KCND3: variants seen among roughly 807,000 people sequenced by gnomAD.
KCND3 encodes the protein potassium voltage-gated channel subfamily D member 3.
KCND3 carries 9 observed loss-of-function variants against 51.1 expected under a neutral mutation model. The ratio of observed to expected loss-of-function variants is 0.18; its 90% CI spans 0.11 to 0.31. The LOEUF is 0.31. Among genes scored for constraint, KCND3 ranks in the 10% least tolerant of loss-of-function variants. The pLI is 1.00. For synonymous variants in KCND3, 349 were observed against 368.0 expected, an observed-to-expected ratio of 0.95 and a Z score of 0.59; for missense variants, 526 against 903.8, an observed-to-expected ratio of 0.58 and a Z score of 5.36.
In KCND3 at chr1:111,776,080, C is replaced by G. The variant is rs1664089421; in HGVS notation, c.1965G>C (p.Leu655Phe). 1 of 1,614,084 alleles carries G rather than the reference C, an allele frequency of 6.2e-7. No homozygotes were observed. Among genetic ancestry groups the G allele is most frequent in the Admixed American group, 1.7e-5 (1 of 60,010 alleles). The change falls in exon 8 of 8, where the codon TTG (leucine) becomes TTC (phenylalanine). Residue 655 changes from leucine (L) to phenylalanine (F), a missense_variant. Coordinates refer to ENST00000302127, the MANE Select transcript of KCND3 (RefSeq NM_001378969.1). ...IASNVVKVSA[L>F] ...TCTGGCCCTCTGTCCAGTGGTTTTA[C>G]AAGGCGGAGACCTTGACAACATTGC...
chr1:111,942,181 G>T (rs1672556663), intron 2 of KCND3, among the ~76,000 whole-genome samples: 1 of 152,190 alleles, frequency 6.6e-6, no homozygotes, highest in East Asian at 1.9e-4. Flanking sequence ...AATTGTATGT[G>T]CATTATTCCT....
rs1036126852 is a variant in KCND3, at chr1:111,774,760, A to C, written c.*1317T>G. 2 of 152,062 alleles carry C rather than the reference A, an allele frequency of 1.3e-5. No homozygotes were observed. The highest frequency in any genetic ancestry group is 4.8e-5 in the African/African-American group (2 of 41,348). 9.4% of individuals were successfully genotyped at this position (152,062 alleles called of 1,614,324 possible). A position where few individuals can be genotyped will look rare whatever the true frequency, so the allele number is the denominator to read the frequency against. On this transcript the variant is annotated 3_prime_UTR_variant, in exon 8 of 8. Coordinates refer to ENST00000302127, the MANE Select transcript of KCND3 (RefSeq NM_001378969.1). ...CTGTGTGGGAGTTGCCTCTGGTTTG[A>C]TATAAGTCAGAGGAATCTTGGTCCC...
intron 2 of KCND3, among the ~76,000 whole-genome samples, chr1:111,967,987 G>A (rs1418719311): frequency 6.6e-6 from 1 of 152,138 alleles, no homozygotes; most frequent in East Asian, 1.9e-4. Context: ...GCCAGCTCAG[G>A]CATAAAGCAC....
chr1:111,915,566 C>T (rs1011514056), intron 2 of KCND3, among the ~76,000 whole-genome samples: 3 of 151,972 alleles, frequency 2.0e-5, no homozygotes, highest in Non-Finnish European at 4.4e-5. Context: ...TCCTGGCTAA[C>T]ATGGTGAAAC....
chr1:111,781,151 T>C (rs1276633705), intron 3 of KCND3, among the ~76,000 whole-genome samples: 2 of 152,216 alleles, frequency 1.3e-5, no homozygotes, highest in African/African-American at 4.8e-5. Context: ...AATTGCAAAC[T>C]CCTTAGAGGA....
chr1:111,832,027 A>G (rs1666854735), intron 2 of KCND3, among the ~76,000 whole-genome samples: 2 of 152,190 alleles, frequency 1.3e-5, no homozygotes, highest in African/African-American at 4.8e-5. Context: ...GGGGGAATAT[A>G]CTGCTTTAAT....
intron 2 of KCND3, among the ~76,000 whole-genome samples, chr1:111,900,633 G>A (rs771253266): frequency 4.6e-5 from 7 of 151,726 alleles, no homozygotes; most frequent in South Asian, 4.2e-4. Flanking sequence ...TATGCCCAGT[G>A]CCTGGTAAAC....
At chr1:111,945,617 C>T (rs1024246090) in intron 2 of KCND3, among the ~76,000 whole-genome samples, 2 of 152,170 alleles carry the variant, frequency 1.3e-5, no homozygotes, top group African/African-American at 4.8e-5. Flanking sequence ...AGGCTTTGGC[C>T]GGGTCTCAGC....
At chr1:111,843,117 G>T (rs1667400640) in intron 2 of KCND3, among the ~76,000 whole-genome samples, 1 of 152,108 alleles carries the variant, frequency 6.6e-6, no homozygotes, top group South Asian at 2.1e-4. Flanking sequence ...TTTTTTCCTA[G>T]ACCTGAGCTC....
At chr1:111,855,383 G>A (rs574550167) in intron 2 of KCND3, among the ~76,000 whole-genome samples, 33 of 152,298 alleles carry the variant, frequency 2.2e-4, no homozygotes, top group African/African-American at 7.5e-4. Context: ...TCAGGGAGGC[G>A]TGTTCCAGCA....
chr1:111,919,378 T>A (rs1671371710), intron 2 of KCND3, among the ~76,000 whole-genome samples: 1 of 151,952 alleles, frequency 6.6e-6, no homozygotes. Flanking sequence ...GGAAGGCCTC[T>A]CCAAGGGTGT....
chr1:111,894,995 C>T (rs1363941888), intron 2 of KCND3, among the ~76,000 whole-genome samples: 1 of 145,666 alleles, frequency 6.9e-6, no homozygotes. Flanking sequence ...AGGGAGAGGA[C>T]TCAGGGGGAG....
intron 2 of KCND3, among the ~76,000 whole-genome samples, chr1:111,819,541 A>G (rs1666254884): frequency 6.6e-6 from 1 of 152,220 alleles, no homozygotes; most frequent in Admixed American, 6.5e-5. Context: ...GACTGCTCAC[A>G]GCTCACCAGC....
intron 2 of KCND3, among the ~76,000 whole-genome samples, chr1:111,889,799 T>C (rs1269866659): frequency 6.6e-6 from 1 of 152,044 alleles, no homozygotes; most frequent in Non-Finnish European, 1.5e-5. Context: ...AGAAATCTTA[T>C]GGAGGAAAAC....
intron 2 of KCND3, among the ~76,000 whole-genome samples, chr1:111,947,290 T>C (rs945632185): frequency 2.0e-5 from 3 of 152,222 alleles, no homozygotes; most frequent in African/African-American, 7.2e-5. Flanking sequence ...TGTGAATGAT[T>C]ACCATGTGCC....
intron 2 of KCND3, among the ~76,000 whole-genome samples, chr1:111,908,111 A>C (rs541656767): frequency 1.0e-3 from 153 of 152,220 alleles, no homozygotes; most frequent in African/African-American, 3.5e-3. Context: ...CCCTGAAAAC[A>C]CTCTGAGGGT....
intron 2 of KCND3, among the ~76,000 whole-genome samples, chr1:111,815,423 C>T (rs1666042719): frequency 6.6e-6 from 1 of 151,692 alleles, no homozygotes; most frequent in African/African-American, 2.4e-5. Context: ...GTTGGACTTC[C>T]ATGTCTGTCT....
chr1:111,827,196 C>A (rs1666616671), intron 2 of KCND3, among the ~76,000 whole-genome samples: 1 of 152,240 alleles, frequency 6.6e-6, no homozygotes, highest in Non-Finnish European at 1.5e-5. Context: ...AGCTGGAAGA[C>A]ATGCATATGT....
intron 2 of KCND3, among the ~76,000 whole-genome samples, chr1:111,967,056 C>T (rs1000511156): frequency 1.3e-5 from 2 of 150,390 alleles, no homozygotes; most frequent in African/African-American, 4.9e-5. Context: ...AGGAGAATCG[C>T]TTGAGCCCAG....
Sources: gnomAD v4.1 joint callset for allele counts (sites outside exome capture counted in the v4.1 genomes callset) on GRCh38, gnomAD v4.1.1 for gene constraint, MANE v1.5 for transcripts, NCBI Gene and HGNC (gene_info 2026-07-23, HGNC 2026-07-21) for gene names.